Variants in CEP350 observed in about 807,000 individuals in gnomAD.
The protein encoded by CEP350 is centrosomal protein 350.
CEP350 carries 126 observed loss-of-function variants against 331.8 expected under a neutral mutation model. The ratio of observed to expected loss-of-function variants is 0.38; its 90% CI spans 0.33 to 0.44. The LOEUF (loss-of-function observed/expected upper bound fraction) is 0.44. Ranked by LOEUF, CEP350 falls within the 20% of genes least tolerant of loss-of-function variation. The probability of loss-of-function intolerance (pLI) is 1.00; values close to 1 mark genes in which losing one functional copy is unlikely to be tolerated. For missense variants in CEP350, 3,406 were observed against 3,634.6 expected, an observed-to-expected ratio of 0.94 and a Z score of 1.62; for synonymous variants, 1,200 against 1,259.5, an observed-to-expected ratio of 0.95 and a Z score of 1.00.
chr1:180,080,049 A>G (rs1659465896), intron 29 of CEP350, among the ~76,000 whole-genome samples: 1 of 152,188 alleles, frequency 6.6e-6, no homozygotes. Flanking sequence ...TAGGAATCAA[A>G]TCAGGCATCT....
chr1:180,049,929 T>C (rs1657377546), intron 22 of CEP350, among the ~76,000 whole-genome samples: 1 of 152,218 alleles, frequency 6.6e-6, no homozygotes, highest in Non-Finnish European at 1.5e-5. Flanking sequence ...TGAATTGTGT[T>C]GATTCATGAG....
chr1:180,084,592 C>G (rs1659750246), intron 31 of CEP350, among the ~76,000 whole-genome samples: 1 of 152,154 alleles, frequency 6.6e-6, no homozygotes, highest in African/African-American at 2.4e-5. Context: ...TCTCGATCTC[C>G]TGACCTCGTG....
chr1:179,990,764 C>G (rs1339288976), intron 4 of CEP350, 143 bp downstream of exon 4: 1 of 460,936 alleles, frequency 2.2e-6, no homozygotes. Flanking sequence ...TCTGTGCTGC[C>G]CCAGCTTGTC....
chr1:180,020,113 C>T lies in CEP350; in HGVS notation c.2339C>T (p.Pro780Leu), dbSNP rs758029898. 1.9e-6 allele frequency: 3 copies of T among 1,613,928 alleles called. 1 individual carries two copies. In the South Asian group the frequency reaches 3.3e-5, roughly 18 times the overall value. The change falls in exon 12 of 38, where the codon CCA (proline) becomes CTA (leucine). Residue 780 changes from proline to leucine, a missense_variant. By Grantham distance (98) the Pro-to-Leu change is moderately conservative. Around this residue, in one of 5 missense-constraint regions of CEP350, gnomAD observed 1,857 missense variants for 1,909.2 expected, o/e 0.97. Transcript: ENST00000367607. ...ILHKDFESIL[P>L]TRKNHNMASR... ...CATAAGGATTTTGAATCTATTTTAC[C>T]AACCAGGAAGAATCATAATATGGCT... is the stretch of plus-strand genomic sequence containing the variant.
rs746109395 is a variant in CEP350, at chr1:180,053,705, A to G, written c.4990-45A>G. ...ACCTCTTTTAGTGGAATTAAGTACC[A>G]AAAGGTTAGATGATGATAAACAAGA... On this transcript the variant is annotated intron_variant, in intron 23 of 37. Coordinates refer to ENST00000367607, the MANE Select transcript of CEP350 (RefSeq NM_014810.5). 3.3e-6 allele frequency: 4 copies of G among 1,229,036 alleles called. No homozygotes were observed. The East Asian group carries it at 9.6e-5, about 30-fold the overall frequency. 76.1% of individuals were successfully genotyped at this position (1,229,036 alleles called of 1,614,324 possible).
In CEP350 at chr1:180,031,360, T is replaced by TA; in HGVS notation, c.3591_3592insA (p.Asp1198ArgfsTer2). ...CTGGAAATGTTCAGAACTCACTTCT[T>TA]GATGAGGAAAAAGCAGAACGTGGCT... On this transcript the variant is annotated frameshift_variant, in exon 15 of 38. Transcript: ENST00000367607. LOFTEE classifies it high-confidence loss of function. 1 of 1,608,012 alleles carries TA rather than the reference T, an allele frequency of 6.2e-7. No individual in the cohort carries two copies.
At chr1:179,959,254 C>T (rs987773702) in intron 1 of CEP350, among the ~76,000 whole-genome samples, 1 of 152,114 alleles carries the variant, frequency 6.6e-6, no homozygotes, top group Non-Finnish European at 1.5e-5. Context: ...GTCAGGAGTT[C>T]GAGACCGGCC....
chr1:180,037,316 T>C (rs1178730891), intron 17 of CEP350, among the ~76,000 whole-genome samples: 2 of 152,154 alleles, frequency 1.3e-5, no homozygotes, highest in African/African-American at 2.4e-5. Flanking sequence ...TTGTTTTCCA[T>C]GTTTTCTGCT....
chr1:179,954,920 G>T lies in CEP350; in HGVS notation c.-236G>T, dbSNP rs1650050511. On this transcript the variant is annotated 5_prime_UTR_variant, in exon 1 of 38. Transcript: ENST00000367607. ...AACTGCAGGGAGCCGCAGCTCGGGG[G>T]GTGGCTTGCCCTGAGGGAGGGGAGG... is the stretch of plus-strand genomic sequence containing the variant. The T allele has an allele frequency of 5.7e-6, 4 of 703,464 alleles. No homozygotes were observed. The highest frequency in any genetic ancestry group is 8.3e-6 in the Non-Finnish European group (4 of 482,038). 43.6% of individuals were successfully genotyped at this position (703,464 alleles called of 1,614,324 possible). A position where few individuals can be genotyped will look rare whatever the true frequency, so the allele number is the denominator to read the frequency against.
At chr1:180,084,207 A>G (rs1659725475) in intron 31 of CEP350, 29 bp downstream of exon 31, 2 of 1,554,836 alleles carry the variant, frequency 1.3e-6, no homozygotes, top group Non-Finnish European at 1.7e-6. Flanking sequence ...GGGGTTTAGT[A>G]TCAAGGCTAA....
intron 26 of CEP350, among the ~76,000 whole-genome samples, chr1:180,063,185 A>C (rs1333864980): frequency 9.0e-6 from 1 of 111,054 alleles, no homozygotes; most frequent in Non-Finnish European, 1.8e-5. Flanking sequence ...AAAATTTGAA[A>C]CTTTTTTTTT....
Position 180,020,041 on chromosome 1 carries a change from G to A in CEP350, c.2267G>A (p.Gly756Glu), listed in dbSNP as rs1234269078. Residue 756 changes from glycine (G) to glutamate (E), a missense_variant, in exon 12 of 38, where the codon GGA (glycine) becomes GAA (glutamate). By Grantham distance (98) the Gly-to-Glu change is moderately conservative (BLOSUM62 -2). This residue lies in a region of CEP350 where 1,857 missense variants were observed against 1,909.2 expected (regional missense o/e 0.97). Transcript: ENST00000367607. The part of the protein sequence containing the change: ...SQPQPFAGTA[G>E]SLLSHLLSLE... ...CCACAGCCTTTTGCTGGAACAGCTG[G>A]AAGTTTACTCTCCCATCTCTTGAGT... The A allele has an allele frequency of 4.3e-6, 7 of 1,613,988 alleles. No homozygotes were observed. The highest frequency in any genetic ancestry group is 5.9e-6 in the Non-Finnish European group (7 of 1,179,874).
At chr1:180,036,821 A>G (rs1656385006) in intron 16 of CEP350, 105 bp from the exon 17 acceptor site, 2 of 1,314,956 alleles carry the variant, frequency 1.5e-6, no homozygotes, top group Non-Finnish European at 1.0e-6. Flanking sequence ...AGTTTTTTCT[A>G]CAAAGGAAAG....
intron 14 of CEP350, among the ~76,000 whole-genome samples, chr1:180,029,982 A>G (rs1048815540): frequency 6.6e-6 from 1 of 152,064 alleles, no homozygotes; most frequent in African/African-American, 2.4e-5. Flanking sequence ...GTATTGTAGC[A>G]TGTGTCAGAA....
chr1:179,962,463 G>C (rs903097764), intron 1 of CEP350, among the ~76,000 whole-genome samples: 1 of 152,078 alleles, frequency 6.6e-6, no homozygotes, highest in East Asian at 1.9e-4. Flanking sequence ...ACGCTGGAGC[G>C]CAGTGACGTG....
chr1:180,034,096 T>C lies in CEP350; in HGVS notation c.3946+14T>C. On this transcript the variant is annotated intron_variant, in intron 16 of 37. Transcript: ENST00000367607. ...CTCCAATACCAGGTAAGTAGATTCA[T>C]GCAATTGTAATTTTTAGAATACGAT... 6.2e-7 allele frequency: 1 copy of C among 1,602,890 alleles called. No individual in the cohort carries two copies.
At chr1:180,004,546 C>T (rs937484207) in intron 7 of CEP350, among the ~76,000 whole-genome samples, 1 of 152,198 alleles carries the variant, frequency 6.6e-6, no homozygotes, top group Non-Finnish European at 1.5e-5. Flanking sequence ...TTCTTGTTTT[C>T]AGCAAAACTG....
intron 27 of CEP350, among the ~76,000 whole-genome samples, chr1:180,070,657 A>G (rs540128439): frequency 3.9e-5 from 6 of 152,210 alleles, no homozygotes; most frequent in Non-Finnish European, 7.3e-5. Context: ...TCAGCTAGCT[A>G]AAGTCAAAGT....
At chr1:180,052,338 C>T (rs1318097399) in intron 22 of CEP350, 3 of 381,312 alleles carry the variant, frequency 7.9e-6, no homozygotes, top group African/African-American at 2.2e-5. Flanking sequence ...TGTGCCTGGC[C>T]CCTAGATTGT....
Sources: allele counts gnomAD v4.1 joint callset (sites outside exome capture counted in the v4.1 genomes callset), GRCh38; gene constraint gnomAD v4.1.1; regional missense constraint gnomAD v4.1.1; transcripts MANE v1.5; gene names NCBI Gene and HGNC (gene_info 2026-07-23, HGNC 2026-07-21).